Variants in PLCB1 observed in about 807,000 individuals in gnomAD.
PLCB1 encodes the protein phospholipase C beta 1, also known as 1-phosphatidylinositol 4,5-bisphosphate phosphodiesterase beta-1.
In PLCB1, 46 loss-of-function variants were observed where a neutral mutation model predicts 161.8. The ratio of observed to expected loss-of-function variants is 0.28; its 90% confidence interval spans 0.22 to 0.36. The LOEUF is 0.36. Ranked by LOEUF, PLCB1 falls within the 10% of genes least tolerant of loss-of-function variation. The pLI is 1.00. For synonymous variants in PLCB1, 517 were observed against 503.7 expected, an observed-to-expected ratio of 1.03 and a Z score of -0.35; for missense variants, 1,016 against 1,472.5, an observed-to-expected ratio of 0.69 and a Z score of 5.07.
At chr20:8,349,342 G>T (rs1228303558) in intron 2 of PLCB1, among the ~76,000 whole-genome samples, 1 of 152,168 alleles carries the variant, frequency 6.6e-6, no homozygotes, top group African/African-American at 2.4e-5. Flanking sequence ...CATATTTACA[G>T]TCACAATTCA....
intron 31 of PLCB1, among the ~76,000 whole-genome samples, chr20:8,796,608 T>G (rs1984037399): frequency 6.6e-6 from 1 of 152,208 alleles, no homozygotes; most frequent in African/African-American, 2.4e-5. Flanking sequence ...GGTTTGTTTT[T>G]GTTTGTTCTG....
chr20:8,306,788 A>G (rs1984155080), intron 2 of PLCB1, among the ~76,000 whole-genome samples: 2 of 152,220 alleles, frequency 1.3e-5, no homozygotes, highest in Admixed American at 6.5e-5. Context: ...CGGAATTTTT[A>G]AAAACACTTG....
chr20:8,875,029 G>A (rs1274713988), intron 31 of PLCB1, among the ~76,000 whole-genome samples: 5 of 151,698 alleles, frequency 3.3e-5, no homozygotes, highest in African/African-American at 1.2e-4. Context: ...TATAATAAAT[G>A]TCCCTTGAAA....
At chr20:8,532,419 C>T (rs1026386755) in intron 3 of PLCB1, among the ~76,000 whole-genome samples, 12 of 152,206 alleles carry the variant, frequency 7.9e-5, no homozygotes, top group African/African-American at 2.4e-4. Flanking sequence ...CTGCATTTCA[C>T]ACCAACCTCC....
intron 3 of PLCB1, among the ~76,000 whole-genome samples, chr20:8,554,080 A>AG (rs1182057096): frequency 1.4e-5 from 2 of 146,340 alleles, no homozygotes; most frequent in African/African-American, 5.2e-5. Flanking sequence ...GCTAAAATTA[A>AG]GGAAAAAAAA....
rs570927871 is a variant in PLCB1 at position 8,448,898 on chromosome 20, A to G, written c.246+77448A>G. On this transcript the variant is annotated intron_variant, in intron 3 of 31. Transcript: ENST00000338037. Reference sequence around the variant, plus strand: ...TTACATCTCCTGAAAGGCAATGCACAGGCTATTGAATAGGATGAACTTGGA... The same window carrying G: ...TTACATCTCCTGAAAGGCAATGCACGGGCTATTGAATAGGATGAACTTGGA... 2.0e-5 allele frequency among the ~76,000 whole-genome samples: 3 copies of G among 152,330 alleles called. No individual in the cohort carries two copies. In the South Asian group the frequency reaches 6.2e-4, roughly 32 times the overall value.
intron 2 of PLCB1, among the ~76,000 whole-genome samples, chr20:8,358,046 A>ATAGGCCTGCCAGGGAGG (rs1164752923): frequency 1.4e-5 from 2 of 147,878 alleles, no homozygotes; most frequent in Non-Finnish European, 3.0e-5. Flanking sequence ...AGCCTTCATG[A>ATAGGCCTGCCAGGGAGG]TAGGCCTGCC....
At chr20:8,644,732 C>T (rs1426382020) in intron 4 of PLCB1, among the ~76,000 whole-genome samples, 3 of 150,580 alleles carry the variant, frequency 2.0e-5, no homozygotes, top group East Asian at 2.0e-4. Context: ...CCCTGCCAGC[C>T]GCCCCGCCCG....
At chr20:8,515,450 G>T (rs1230278600) in intron 3 of PLCB1, among the ~76,000 whole-genome samples, 1 of 152,162 alleles carries the variant, frequency 6.6e-6, no homozygotes, top group Non-Finnish European at 1.5e-5. Context: ...CTGTGAGCGT[G>T]TGTTAGTGTA....
intron 31 of PLCB1, among the ~76,000 whole-genome samples, chr20:8,840,498 T>C (rs1018429170): frequency 1.3e-5 from 2 of 152,172 alleles, no homozygotes; most frequent in Admixed American, 6.5e-5. Flanking sequence ...AGTTAGGTCT[T>C]GCAGGATGCC....
chr20:8,375,599 C>T (rs1396051577), intron 3 of PLCB1, among the ~76,000 whole-genome samples: 1 of 152,066 alleles, frequency 6.6e-6, no homozygotes, highest in African/African-American at 2.4e-5. Flanking sequence ...AAAAAGGATG[C>T]TGAACAAGAT....
chr20:8,662,891 A>T lies in PLCB1; in HGVS notation c.862+4187A>T, dbSNP rs1989720715. ...TGATTTTAACACAGATGAGCTACAG[A>T]CTTTAAAACTTTAAACTTTTAGTCA... On this transcript the variant is annotated intron_variant, in intron 9 of 31. Transcript: ENST00000338037. Among the ~76,000 whole-genome samples, 3 of 151,962 alleles carry T rather than the reference A, an allele frequency of 2.0e-5. No homozygotes were observed. The South Asian group carries it at 6.2e-4, about 31-fold the overall frequency.
At chr20:8,209,008 G>A (rs2123140494) in intron 2 of PLCB1, among the ~76,000 whole-genome samples, 1 of 152,180 alleles carries the variant, frequency 6.6e-6, no homozygotes, top group Non-Finnish European at 1.5e-5. Flanking sequence ...TGGTATTAAT[G>A]TGTTTGTTTC....
chr20:8,653,479 C>T (rs911124670), intron 7 of PLCB1: 8 of 151,842 alleles, frequency 5.3e-5, no homozygotes, highest in Non-Finnish European at 4.4e-5. Flanking sequence ...TCATGTATTC[C>T]ATGGCTAATT....
At chr20:8,861,689 C>T (rs1431146248) in intron 31 of PLCB1, among the ~76,000 whole-genome samples, 1 of 142,504 alleles carries the variant, frequency 7.0e-6, no homozygotes, top group Non-Finnish European at 1.5e-5. Context: ...GAGATCGTGC[C>T]ACTGCACTCC....
At chr20:8,171,070 G>C (rs73895544) in intron 2 of PLCB1, among the ~76,000 whole-genome samples, 1,795 of 152,132 alleles carry the variant, frequency 0.012, 39 homozygotes, top group African/African-American at 0.039. Context: ...ATATTTTCGA[G>C]TGCTTCCCCC....
chr20:8,801,764 A>T (rs1984291077), intron 31 of PLCB1, among the ~76,000 whole-genome samples: 1 of 152,168 alleles, frequency 6.6e-6, no homozygotes, highest in South Asian at 2.1e-4. Context: ...TGGTAGTGGG[A>T]TTTTGTGGAG....
chr20:8,415,919 G>A (rs1243745758), intron 3 of PLCB1, among the ~76,000 whole-genome samples: 1 of 152,158 alleles, frequency 6.6e-6, no homozygotes, highest in Non-Finnish European at 1.5e-5. Context: ...TTGGCCACAG[G>A]GTGTAAAGGA....
At position 8,584,322 on chromosome 20, in the gene PLCB1, C is replaced by T. The variant is rs146181483; in HGVS notation, c.247-43972C>T. Among the ~76,000 whole-genome samples the T allele has an allele frequency of 4.5e-3, 681 of 152,244 alleles. 6 individuals carry two copies. The highest frequency in any genetic ancestry group is 0.013 in the African/African-American group (550 of 41,518). ...ACTCATCAATTACGTCAAACTCAAACATAGGTTTCAAAACCAGGACTTGTG... is the reference window on the plus strand; with the variant it reads ...ACTCATCAATTACGTCAAACTCAAATATAGGTTTCAAAACCAGGACTTGTG... On this transcript the variant is annotated intron_variant, in intron 3 of 31. Coordinates refer to ENST00000338037, the MANE Select transcript of PLCB1 (RefSeq NM_015192.4).
Sources: gnomAD v4.1 joint callset for allele counts (sites outside exome capture counted in the v4.1 genomes callset) on GRCh38, gnomAD v4.1.1 for gene constraint, MANE v1.5 for transcripts, NCBI Gene and HGNC (gene_info 2026-07-23, HGNC 2026-07-21) for gene names.